The following DNAH11 variants were observed in gnomAD, a reference collection of about 807,000 sequenced individuals.
The protein encoded by DNAH11 is dynein axonemal heavy chain 11.
Under a neutral mutation model 526.0 loss-of-function variants are expected in DNAH11, and 442 were observed. That is an observed-to-expected ratio of 0.84 (90% confidence interval 0.78 to 0.91). The LOEUF (loss-of-function observed/expected upper bound fraction) is 0.91. Ranked by LOEUF, DNAH11 falls within the 40% of genes least tolerant of loss-of-function variation. The pLI, the probability that DNAH11 is intolerant of heterozygous loss-of-function variation, is 0.00. For synonymous variants in DNAH11, 2,461 were observed against 1,935.9 expected (o/e 1.27, Z -7.12); for missense variants, 6,989 against 5,448.7 (o/e 1.28, Z -8.90).
chr7:21,564,072 A>G (rs1451176957), intron 5 of DNAH11, 114 bp from the exon 6 acceptor site: 2 of 687,828 alleles, frequency 2.9e-6, no homozygotes, highest in Non-Finnish European at 4.7e-6. Context: ...GAACTATGAC[A>G]ACATTTAAGT....
Position 21,899,968 on chromosome 7 carries a change from A to G in DNAH11, c.13163-12A>G, listed in dbSNP as rs562596273. 9.9e-6 allele frequency: 16 copies of G among 1,612,884 alleles called. No individual in the cohort carries two copies. The highest frequency in any genetic ancestry group is 2.2e-5 in the South Asian group (2 of 90,954). ...ACTTTTATCCTATTCAATTTTTGTT[A>G]TATTTCCAAAGCAATCATGCAGACG... On this transcript the variant is annotated splice_polypyrimidine_tract_variant and intron_variant, in intron 80 of 81. Coordinates refer to ENST00000409508, the MANE Select transcript of DNAH11 (RefSeq NM_001277115.2).
At chr7:21,628,214 G>T (rs1417555362) in intron 25 of DNAH11, among the ~76,000 whole-genome samples, 1 of 151,762 alleles carries the variant, frequency 6.6e-6, no homozygotes, top group Non-Finnish European at 1.5e-5. Context: ...GTTTTTCTAA[G>T]TACAAGATCA....
chr7:21,629,268 G>A (rs555545817), intron 25 of DNAH11, among the ~76,000 whole-genome samples: 8 of 152,140 alleles, frequency 5.3e-5, no homozygotes, highest in Admixed American at 2.0e-4. Flanking sequence ...ATCAGAAAAG[G>A]TACTCGATAT....
chr7:21,632,291 G>T (rs377114442), intron 25 of DNAH11, among the ~76,000 whole-genome samples: 2 of 152,194 alleles, frequency 1.3e-5, no homozygotes, highest in Non-Finnish European at 2.9e-5. Flanking sequence ...GGTCTCTGAT[G>T]CCTTGGATAC....
At chr7:21,799,534 C>T (rs191335328) in intron 61 of DNAH11, among the ~76,000 whole-genome samples, 156 of 151,990 alleles carry the variant, frequency 1.0e-3, no homozygotes, top group African/African-American at 3.3e-3. Context: ...GACAAGGTTT[C>T]GCCATGTTGG....
intron 74 of DNAH11, among the ~76,000 whole-genome samples, chr7:21,873,947 C>T (rs546445306): frequency 2.3e-4 from 35 of 151,890 alleles, no homozygotes; most frequent in African/African-American, 7.2e-4. Flanking sequence ...CATACCACCA[C>T]GCCCGGCTAA....
intron 75 of DNAH11, among the ~76,000 whole-genome samples, chr7:21,883,822 CT>C (rs1784020308): frequency 6.6e-6 from 1 of 152,144 alleles, no homozygotes; most frequent in East Asian, 1.9e-4. Context: ...GGAAGGATGG[CT>C]TGAGGCCAGG....
Position 21,558,990 on chromosome 7 carries a change from A to G in DNAH11, c.684A>G (p.Ser228=), listed in dbSNP as rs886062171. The G allele has an allele frequency of 1.1e-5, 18 of 1,575,398 alleles. No individual in the cohort carries two copies. The East Asian group carries it at 1.2e-4, about 10-fold the overall frequency. The change falls in exon 3 of 82, where the codon TCA becomes TCG. Residue 228 remains serine (S), a synonymous_variant. Transcript: ENST00000409508. ...AGATGGATCTGGATCAGAATTGTTC[A>G]GAGAACAAGTACGTAACAGTACAAT... is the stretch of plus-strand genomic sequence containing the variant. ...AGKMDLDQNC[S]ENKPPSNERI...
intron 35 of DNAH11, among the ~76,000 whole-genome samples, chr7:21,696,534 T>G (rs891798908): frequency 5.3e-5 from 8 of 152,216 alleles, no homozygotes; most frequent in African/African-American, 1.9e-4. Flanking sequence ...ATAGCTTTGT[T>G]TGAAAACTGT....
intron 69 of DNAH11, among the ~76,000 whole-genome samples, chr7:21,862,675 C>T (rs1783110519): frequency 6.6e-6 from 1 of 152,144 alleles, no homozygotes; most frequent in African/African-American, 2.4e-5. Flanking sequence ...AAAATGACAG[C>T]AGTGACTAGG....
At position 21,867,902 on chromosome 7, in the gene DNAH11, A is replaced by G; in HGVS notation, c.11734A>G (p.Thr3912Ala). The G allele has an allele frequency of 6.3e-7, 1 of 1,581,068 alleles. No homozygotes were observed. The highest frequency in any genetic ancestry group is 8.6e-7 in the Non-Finnish European group (1 of 1,162,276). ...ACTGGGTGCGAAGTATGTGGAGAGGACCAGATTGGACTTAGTTAAAGCATT... is the reference window on the plus strand; with the variant it reads ...ACTGGGTGCGAAGTATGTGGAGAGGGCCAGATTGGACTTAGTTAAAGCATT... ...EKLGAKYVER[T>A]RLDLVKAFEE... Residue 3912 changes from threonine (T) to alanine (A), a missense_variant, in exon 72 of 82, where the codon ACC becomes GCC. By Grantham distance (58) the Thr-to-Ala change is moderately conservative (BLOSUM62 0). Coordinates refer to ENST00000409508, the MANE Select transcript of DNAH11 (RefSeq NM_001277115.2).
intron 54 of DNAH11, among the ~76,000 whole-genome samples, chr7:21,758,574 AT>A (rs1336315107): frequency 6.6e-6 from 1 of 152,178 alleles, no homozygotes; most frequent in Non-Finnish European, 1.5e-5. Context: ...AAAAAGTAAA[AT>A]CACAACGATG....
rs138704164 is a variant in DNAH11, at chr7:21,831,185, T to C, written c.10692-11359T>C. Among the ~76,000 whole-genome samples, 631 of 152,348 alleles carry C rather than the reference T, an allele frequency of 4.1e-3. 7 individuals carry two copies. The highest frequency in any genetic ancestry group is 0.014 in the African/African-American group (596 of 41,578). ...ATTTTATGTTGCTCTTCACACCTGC[T>C]GTTGCTCCTATTTGGAATTTAAGTT... On this transcript the variant is annotated intron_variant, in intron 65 of 81. Coordinates refer to ENST00000409508, the MANE Select transcript of DNAH11 (RefSeq NM_001277115.2).
intron 34 of DNAH11, among the ~76,000 whole-genome samples, chr7:21,690,074 T>G (rs1050480120): frequency 6.6e-6 from 1 of 152,236 alleles, no homozygotes; most frequent in African/African-American, 2.4e-5. Context: ...TTGAGTATTT[T>G]CCATGTTCTA....
chr7:21,747,614 T>G (rs1786208688), intron 51 of DNAH11, among the ~76,000 whole-genome samples: 2 of 152,248 alleles, frequency 1.3e-5, no homozygotes, highest in Admixed American at 6.5e-5. Flanking sequence ...ATAAATAGAT[T>G]AAGCATTCAG....
intron 1 of DNAH11, 94 bp from the exon 2 acceptor site, chr7:21,544,912 T>G: frequency 9.0e-7 from 1 of 1,113,246 alleles, no homozygotes; most frequent in East Asian, 2.7e-5. Flanking sequence ...AGGTTTTGTT[T>G]CTTCTGCTAG....
At chr7:21,611,648 AT>A (rs1393056149) in intron 20 of DNAH11, among the ~76,000 whole-genome samples, 1 of 152,200 alleles carries the variant, frequency 6.6e-6, no homozygotes, top group Non-Finnish European at 1.5e-5. Context: ...AAGCAAAAAT[AT>A]TTTCAAAGCA....
intron 29 of DNAH11, among the ~76,000 whole-genome samples, chr7:21,656,784 C>T (rs1368703247): frequency 6.6e-6 from 1 of 152,140 alleles, no homozygotes; most frequent in East Asian, 1.9e-4. Flanking sequence ...TTCTTTACTC[C>T]TTTCTGTTGC....
At chr7:21,827,928 A>C (rs918374837) in intron 65 of DNAH11, among the ~76,000 whole-genome samples, 2 of 151,936 alleles carry the variant, frequency 1.3e-5, no homozygotes, top group African/African-American at 4.8e-5. Context: ...TTGAGCTGGA[A>C]GCTTACGGAT....
Sources: allele counts gnomAD v4.1 joint callset (sites outside exome capture counted in the v4.1 genomes callset), GRCh38; gene constraint gnomAD v4.1.1; transcripts MANE v1.5; gene names NCBI Gene and HGNC (gene_info 2026-07-23, HGNC 2026-07-21).